Variants in BTG3 observed in about 807,000 individuals in gnomAD.
BTG3 encodes protein BTG3.
In BTG3, 4 loss-of-function variants were observed where a neutral mutation model predicts 25.8. That is an observed-to-expected ratio of 0.16 (90% CI 0.08 to 0.36). The LOEUF (loss-of-function observed/expected upper bound fraction) is 0.36. Ranked by LOEUF, BTG3 falls within the 10% of genes least tolerant of loss-of-function variation. The probability of loss-of-function intolerance (pLI) is 1.00; values close to 1 mark genes in which losing one functional copy is unlikely to be tolerated. For missense variants in BTG3, 201 were observed against 304.9 expected (o/e 0.66, Z 2.54); for synonymous variants, 107 against 99.9 (o/e 1.07, Z -0.42).
In BTG3 at chr21:17,595,333, T is replaced by C. The variant is rs368530065; in HGVS notation, c.520-1001A>G. Among the ~76,000 whole-genome samples the C allele has an allele frequency of 4.3e-4, 66 of 152,150 alleles. 1 individual carries two copies. The East Asian group carries it at 9.8e-3, about 23-fold the overall frequency. On this transcript the variant is annotated intron_variant, in intron 4 of 4. Coordinates refer to ENST00000348354, the MANE Select transcript of BTG3 (RefSeq NM_006806.5). ...TAAAAAAATTATATTGTGTATAGCA[T>C]TGCATTCATGATAGAAAATTCAAAA...
Position 17,593,928 on chromosome 21 carries a change from T to C in BTG3, c.*165A>G. The C allele has an allele frequency of 1.1e-6, 1 of 894,898 alleles. No homozygotes were observed. The highest frequency in any genetic ancestry group is 1.6e-6 in the Non-Finnish European group (1 of 620,280). 55.4% of individuals were successfully genotyped at this position (894,898 alleles called of 1,614,324 possible). On this transcript the variant is annotated 3_prime_UTR_variant, in exon 5 of 5. Transcript: ENST00000348354. ...AAACTATATCAATATCTAAAGTGCA[T>C]ATATTTTTTAAGAAAGATTATTCTC...
chr21:17,602,113 G>T (rs1569181153), intron 3 of BTG3, among the ~76,000 whole-genome samples: 1 of 150,846 alleles, frequency 6.6e-6, no homozygotes, highest in African/African-American at 2.4e-5. Context: ...ACAATCAATA[G>T]TATTTAACAC....
At chr21:17,602,848 T>A (rs555048681) in intron 3 of BTG3, among the ~76,000 whole-genome samples, 1 of 152,360 alleles carries the variant, frequency 6.6e-6, no homozygotes, top group Non-Finnish European at 1.5e-5. Flanking sequence ...TTTAAATACA[T>A]AGGTCCAAAA....
intron 4 of BTG3, among the ~76,000 whole-genome samples, chr21:17,597,594 C>T (rs1331119153): frequency 2.6e-5 from 4 of 151,888 alleles, no homozygotes; most frequent in African/African-American, 7.2e-5. Flanking sequence ...CTGTCTTGTA[C>T]TGTTTGAAGT....
intron 3 of BTG3, among the ~76,000 whole-genome samples, chr21:17,601,488 C>G (rs1163098307): frequency 6.6e-6 from 1 of 152,174 alleles, no homozygotes; most frequent in African/African-American, 2.4e-5. Context: ...CATGCCACCG[C>G]ATTCCAGCCT....
At chr21:17,595,316 T>A (rs181528962) in intron 4 of BTG3, among the ~76,000 whole-genome samples, 17 of 152,174 alleles carry the variant, frequency 1.1e-4, no homozygotes, top group African/African-American at 3.6e-4. Flanking sequence ...TTTAAAAAAA[T>A]TATATTGTGT....
At position 17,594,224 on chromosome 21, in the gene BTG3, G is replaced by C. The variant is rs1268110632; in HGVS notation, c.628C>G (p.Pro210Ala). ...CTTCCCTGATTTGGATAACCAAATG[G>C]AACAGGAGGAGGATAGTGATTCTGA... ...GHQNHYPPPVPFGYPNQGRKN... is the reference protein window; with the variant it reads ...GHQNHYPPPVAFGYPNQGRKN... Residue 210 changes from proline (P) to alanine (A), a missense_variant, in exon 5 of 5, where the codon CCA (proline) becomes GCA (alanine). Transcript: ENST00000348354. 9.9e-6 allele frequency: 16 copies of C among 1,613,372 alleles called. No individual in the cohort carries two copies. Among genetic ancestry groups the C allele is most frequent in the Non-Finnish European group, 1.3e-5 (15 of 1,179,446 alleles).
intron 1 of BTG3, 106 bp downstream of exon 1, chr21:17,612,593 C>G (rs965520626): frequency 5.9e-5 from 9 of 152,426 alleles, no homozygotes; most frequent in African/African-American, 2.2e-4. Context: ...CCCCGGTGCG[C>G]CGCCCGCCAG....
intron 4 of BTG3, among the ~76,000 whole-genome samples, chr21:17,595,827 TAGA>T (rs1308996421): frequency 1.3e-5 from 2 of 152,062 alleles, no homozygotes; most frequent in Admixed American, 6.6e-5. Flanking sequence ...TGCTGAGTAA[TAGA>T]AGAGTTACAC....
intron 2 of BTG3, among the ~76,000 whole-genome samples, chr21:17,607,184 T>C (rs1028317392): frequency 7.2e-5 from 11 of 152,206 alleles, no homozygotes; most frequent in Non-Finnish European, 1.2e-4. Context: ...TCAGTTTTTT[T>C]CTCAAGTTTT....
At chr21:17,596,952 A>C (rs2123430628) in intron 4 of BTG3, among the ~76,000 whole-genome samples, 1 of 152,192 alleles carries the variant, frequency 6.6e-6, no homozygotes, top group Admixed American at 6.5e-5. Flanking sequence ...TGTTGTCCTT[A>C]TTTGATAAAA....
chr21:17,607,259 T>C (rs2061656182), intron 2 of BTG3, among the ~76,000 whole-genome samples: 1 of 152,186 alleles, frequency 6.6e-6, no homozygotes, highest in Non-Finnish European at 1.5e-5. Context: ...CAGTGCCTCC[T>C]TTTTCAGTAA....
At chr21:17,602,718 T>A (rs1308721989) in intron 3 of BTG3, among the ~76,000 whole-genome samples, 1 of 152,186 alleles carries the variant, frequency 6.6e-6, no homozygotes, top group African/African-American at 2.4e-5. Context: ...ATTAATAAGA[T>A]GAAAGCAAAG....
chr21:17,610,140 G>A (rs2061699693), intron 1 of BTG3, among the ~76,000 whole-genome samples: 1 of 152,194 alleles, frequency 6.6e-6, no homozygotes, highest in Admixed American at 6.5e-5. Context: ...TATATAGACA[G>A]AAGACAGATT....
At chr21:17,605,214 A>C (rs957836286) in intron 2 of BTG3, 18 of 467,868 alleles carry the variant, frequency 3.8e-5, no homozygotes, top group African/African-American at 3.6e-4. Flanking sequence ...AGCCCAAGGA[A>C]ATCACTAGTA....
chr21:17,594,622 T>G (rs2061480698), intron 4 of BTG3, among the ~76,000 whole-genome samples: 1 of 152,116 alleles, frequency 6.6e-6, no homozygotes, highest in African/African-American at 2.4e-5. Flanking sequence ...TGGAAGCTTG[T>G]AAGGACATGC....
chr21:17,597,376 C>T (rs1232729588), intron 4 of BTG3, among the ~76,000 whole-genome samples: 3 of 151,396 alleles, frequency 2.0e-5, no homozygotes, highest in African/African-American at 7.3e-5. Flanking sequence ...ATATATAATC[C>T]ATCACACAGA....
At chr21:17,597,303 T>C (rs796968262) in intron 4 of BTG3, among the ~76,000 whole-genome samples, 5 of 152,116 alleles carry the variant, frequency 3.3e-5, no homozygotes, top group African/African-American at 1.2e-4. Flanking sequence ...ACAAATAAAA[T>C]TCTGAGGTAA....
intron 1 of BTG3, among the ~76,000 whole-genome samples, chr21:17,610,107 G>A (rs2061699033): frequency 6.6e-6 from 1 of 152,194 alleles, no homozygotes; most frequent in South Asian, 2.1e-4. Flanking sequence ...CCATTGATAT[G>A]AAATATCCAG....
Sources: allele counts gnomAD v4.1 joint callset (sites outside exome capture counted in the v4.1 genomes callset), GRCh38; gene constraint gnomAD v4.1.1; transcripts MANE v1.5; gene names NCBI Gene and HGNC (gene_info 2026-07-23, HGNC 2026-07-21).